STAT6: variants seen among roughly 807,000 people sequenced by gnomAD.
STAT6 encodes the protein signal transducer and activator of transcription 6, also known as STAT, interleukin4-induced.
STAT6 carries 45 observed loss-of-function variants against 106.3 expected under a neutral mutation model. The observed-to-expected ratio is 0.42, with a 90% CI of 0.33 to 0.54. The LOEUF (loss-of-function observed/expected upper bound fraction) is 0.54, where lower values mean the gene tolerates loss of function less well. Among genes scored for constraint, STAT6 ranks in the 20% least tolerant of loss-of-function variants. The probability of loss-of-function intolerance (pLI) is 0.06; values close to 1 mark genes in which losing one functional copy is unlikely to be tolerated. For missense variants in STAT6, 797 were observed against 1,062.2 expected, an observed-to-expected ratio of 0.75 and a Z score of 3.47; for synonymous variants, 413 against 413.6, an observed-to-expected ratio of 1.00 and a Z score of 0.02.
chr12:57,106,901 C>G (rs1728271621), intron 4 of STAT6, 70 bp from the exon 5 acceptor site: 4 of 1,595,664 alleles, frequency 2.5e-6, no homozygotes, highest in Admixed American at 3.4e-5. Context: ...CCTCCACTCT[C>G]TGCTCTGCAG....
At chr12:57,107,371 C>A in intron 3 of STAT6, 57 bp from the exon 4 acceptor site, 1 of 1,513,500 alleles carries the variant, frequency 6.6e-7, no homozygotes, top group East Asian at 2.3e-5. Flanking sequence ...TCCTTCAATC[C>A]CTCCAATCCC....
intron 3 of STAT6, 68 bp downstream of exon 3, chr12:57,107,537 A>G: frequency 6.4e-7 from 1 of 1,554,344 alleles, no homozygotes; most frequent in Non-Finnish European, 8.7e-7. Flanking sequence ...ATTTTCTTCC[A>G]GGGCCCAATG....
At position 57,106,354 on chromosome 12, in the gene STAT6, G is replaced by A; in HGVS notation, c.532-15C>T. Reference sequence around the variant, plus strand: ...ATGGCCAGGGCCTATGGGCAGAGAGGGGCCTGAGCCAGGGCCTCACGCTGC... The same window carrying A: ...ATGGCCAGGGCCTATGGGCAGAGAGAGGCCTGAGCCAGGGCCTCACGCTGC... On this transcript the variant is annotated splice_polypyrimidine_tract_variant and intron_variant, in intron 6 of 21. Transcript: ENST00000300134. 4 of 1,614,132 alleles carry A rather than the reference G, an allele frequency of 2.5e-6. No individual in the cohort carries two copies. The highest frequency in any genetic ancestry group is 3.4e-6 in the Non-Finnish European group (4 of 1,179,976).
chr12:57,101,134 G>C (rs988459017), intron 13 of STAT6, among the ~76,000 whole-genome samples: 1 of 151,868 alleles, frequency 6.6e-6, no homozygotes, highest in Non-Finnish European at 1.5e-5. Context: ...CTGTTGGCAG[G>C]CTGGAGTGCA....
chr12:57,105,650 G>A (rs190109009), intron 7 of STAT6, 51 bp from the exon 8 acceptor site: 93 of 1,589,412 alleles, frequency 5.9e-5, no homozygotes, highest in African/African-American at 3.4e-4. Context: ...TGCTTGCTCC[G>A]GCCCAGACCC....
rs191086712 is a variant in STAT6, at chr12:57,103,881, G to C, written c.1212+583C>G. 551 of 153,046 alleles carry C rather than the reference G, an allele frequency of 3.6e-3. 2 individuals carry two copies. The highest frequency in any genetic ancestry group is 4.9e-3 in the Non-Finnish European group (333 of 68,640). The allele number at this position is 153,046 out of a possible 1,614,324, so 9.5% of individuals were successfully genotyped here. On this transcript the variant is annotated intron_variant, in intron 11 of 21. Transcript: ENST00000300134. ...TGCCCAGCCGGACAGGGGTTTCTTA[G>C]TGAAGCAAGAAGTTTCCTCAGGGGA...
Position 57,098,871 on chromosome 12 carries a change from T to C in STAT6, c.1987A>G (p.Met663Val), listed in dbSNP as rs1442074081. 1 of 1,613,598 alleles carries C rather than the reference T, an allele frequency of 6.2e-7. No homozygotes were observed. The highest frequency in any genetic ancestry group is 8.5e-7 in the Non-Finnish European group (1 of 1,179,824). ...DQPLPTPELQ[M>V]PTMVPSYDLG... ...TCATAAGAAGGCACCATGGTAGGCATCTGGAGCTCTGGGGTAGGAAGTGGT... is the reference window on the plus strand; with the variant it reads ...TCATAAGAAGGCACCATGGTAGGCACCTGGAGCTCTGGGGTAGGAAGTGGT... The change falls in exon 18 of 22, where the codon ATG (methionine) becomes GTG (valine). Residue 663 changes from methionine (M) to valine (V), a missense_variant. Transcript: ENST00000300134.
In STAT6 at chr12:57,108,221, C is replaced by T. The variant is rs774834215; in HGVS notation, c.58G>A (p.Val20Ile). The T allele has an allele frequency of 1.9e-6, 3 of 1,613,188 alleles. No individual in the cohort carries two copies. Among genetic ancestry groups the T allele is most frequent in the Admixed American group, 3.3e-5 (2 of 59,908 alleles). ...MPPEKVQRLYVDFPQHLRHLL... is the reference protein window; with the variant it reads ...MPPEKVQRLYIDFPQHLRHLL... The stretch of plus-strand genomic sequence containing the variant: ...TGCCGCAGGTGTTGGGGAAAGTCGA[C>T]ATAGAGCCGCTGCACTTTTTCTGGG... Residue 20 changes from valine to isoleucine, a missense_variant, in exon 2 of 22, where the codon GTC (valine) becomes ATC (isoleucine). By Grantham distance (29) the Val-to-Ile change is conservative (BLOSUM62 3). Coordinates refer to ENST00000300134, the MANE Select transcript of STAT6 (RefSeq NM_003153.5).
rs747615370 is a variant in STAT6 at position 57,102,965 on chromosome 12, CTTTTTTTTTTTTTTTTTTTTTTTTTTTTT to C, written c.1213-73_1213-45del. The C allele has an allele frequency of 3.9e-3, 1,179 of 303,046 alleles. 15 individuals carry two copies. The highest frequency in any genetic ancestry group is 8.0e-3 in the South Asian group (239 of 29,846). 18.8% of individuals were successfully genotyped at this position (303,046 alleles called of 1,614,324 possible). Reference sequence around the variant, plus strand: ...GGGGTTTCTTTTCTTTCTTTCTTTCCTTTTTTTTTTTTTTTTTTTTTTTTTTTTTTTTTTTTTTTTTTTTTTTTTAGATA... The same window carrying C: ...GGGGTTTCTTTTCTTTCTTTCTTTCCTTTTTTTTTTTTTTTTTTTTAGATA... On this transcript the variant is annotated intron_variant, in intron 11 of 21. Coordinates refer to ENST00000300134, the MANE Select transcript of STAT6 (RefSeq NM_003153.5).
intron 12 of STAT6, 63 bp from the exon 13 acceptor site, chr12:57,102,559 C>T: frequency 1.3e-6 from 2 of 1,543,916 alleles, no homozygotes; most frequent in South Asian, 1.2e-5. Context: ...TCGGGCCGGC[C>T]TTCATCCCTC....
intron 13 of STAT6, among the ~76,000 whole-genome samples, chr12:57,101,377 A>G (rs1592556508): frequency 7.4e-6 from 1 of 134,630 alleles, no homozygotes; most frequent in African/African-American, 2.7e-5. Context: ...GTGAGCCACC[A>G]CACCTAGCCT....
At position 57,096,902 on chromosome 12, in the gene STAT6, C is replaced by T. The variant is rs751722933; in HGVS notation, c.2302G>A (p.Val768Met). 118 of 1,614,050 alleles carry T rather than the reference C, an allele frequency of 7.3e-5. 2 individuals carry two copies. The South Asian group carries it at 1.3e-3, about 17-fold the overall frequency. The change falls in exon 21 of 22, where the codon GTG becomes ATG. Residue 768 changes from valine (V) to methionine (M), a missense_variant. Physicochemically the swap from Val to Met is conservative, Grantham distance 21. Transcript: ENST00000300134. ...GGCTGGCTCAGGCAGCTGTCTTCCA[C>T]CATGGTCACATCTGAGCAGAGCAGG... ...DPLLCSDVTM[V>M]EDSCLSQPVT...
intron 19 of STAT6, among the ~76,000 whole-genome samples, chr12:57,097,822 C>A (rs1277284465): frequency 1.3e-5 from 2 of 152,018 alleles, no homozygotes; most frequent in African/African-American, 4.8e-5. Flanking sequence ...ATTGCTCGAG[C>A]CCAAGAGGCG....
rs377715760 is a variant in STAT6 at position 57,099,266 on chromosome 12, G to A, written c.1891+28C>T. On this transcript the variant is annotated intron_variant, in intron 16 of 21. Coordinates refer to ENST00000300134, the MANE Select transcript of STAT6 (RefSeq NM_003153.5). This position sits in a 1 kb window ranked among gnomAD's most constrained non-coding sequence, Gnocchi z 4.7. ...GCAGGGAGGAAGTGGGTGACAGGAA[G>A]GAATCAGAGCTGCCAGTTCCAGCTC... The A allele has an allele frequency of 1.2e-6, 2 of 1,613,436 alleles. No homozygotes were observed. Among genetic ancestry groups the A allele is most frequent in the Non-Finnish European group, 1.7e-6 (2 of 1,179,610 alleles).
Position 57,104,452 on chromosome 12 carries a change from G to A in STAT6, c.1212+12C>T, listed in dbSNP as rs2034145187. On this transcript the variant is annotated intron_variant, in intron 11 of 21. Transcript: ENST00000300134. ...GGGTCCCAGATTGGGGCAGGGCTGG[G>A]CCACGGTTCACCTGGAGCTGGATGG... 1.1e-5 allele frequency: 17 copies of A among 1,602,738 alleles called. No homozygotes were observed. The highest frequency in any genetic ancestry group is 1.4e-5 in the Non-Finnish European group (17 of 1,175,328).
In STAT6 at chr12:57,096,945, A is replaced by G. The variant is rs138011454; in HGVS notation, c.2259T>C (p.Ala753=). Residue 753 remains alanine (A), a synonymous_variant, in exon 21 of 22, where the codon GCT becomes GCC. Transcript: ENST00000300134. ...AGAGCAGGGGGTCAGGGCTGGACAC[A>G]GCATGCTCCTGAGGCTGGCACGGCA... ...GLLPCQPQEH[A]VSSPDPLLCS... is the part of the protein sequence containing the mutation. 823 of 1,614,074 alleles carry G rather than the reference A, an allele frequency of 5.1e-4. 1 individual carries two copies. The highest frequency in any genetic ancestry group is 2.8e-4 in the Non-Finnish European group (326 of 1,179,972).
intron 11 of STAT6, 97 bp downstream of exon 11, chr12:57,104,366 TG>T: frequency 6.7e-7 from 1 of 1,493,308 alleles, no homozygotes; most frequent in Non-Finnish European, 9.0e-7. Context: ...ACATGGGGTA[TG>T]GGGCAGTCAC....
chr12:57,097,088 G>A lies in STAT6; in HGVS notation c.2205C>T (p.Pro735=), dbSNP rs148269360. The change falls in exon 20 of 22, where the codon CCC becomes CCT. Residue 735 remains proline, a synonymous_variant. Coordinates refer to ENST00000300134, the MANE Select transcript of STAT6 (RefSeq NM_003153.5). Reference sequence around the variant, plus strand: ...CTCACTGGGGGTGAGGCTGGTCAAAGGGCAGGCTCATCTGGCCCAGGCTGG... The same window carrying A: ...CTCACTGGGGGTGAGGCTGGTCAAAAGGCAGGCTCATCTGGCCCAGGCTGG... ...MPPSLGQMSL[P]FDQPHPQGLL... The A allele has an allele frequency of 5.3e-5, 81 of 1,534,312 alleles. No homozygotes were observed. Among genetic ancestry groups the A allele is most frequent in the African/African-American group, 6.9e-5 (5 of 72,326 alleles).
chr12:57,097,306 C>T (rs2033508676), intron 19 of STAT6, 173 bp from the exon 20 acceptor site: 2 of 462,334 alleles, frequency 4.3e-6, no homozygotes, highest in South Asian at 7.8e-5. Flanking sequence ...GTAAAATGTG[C>T]GTGTTATGGG....
Sources: allele counts gnomAD v4.1 joint callset (sites outside exome capture counted in the v4.1 genomes callset), GRCh38; gene constraint gnomAD v4.1.1; non-coding constraint Gnocchi (gnomAD v3.1); transcripts MANE v1.5; gene names NCBI Gene and HGNC (gene_info 2026-07-23, HGNC 2026-07-21).